TOGARAM1: variants seen among roughly 807,000 people sequenced by gnomAD.
TOGARAM1 encodes the protein TOG array regulator of axonemal microtubules 1, also known as TOG array regulator of axonemal microtubules protein 1.
In TOGARAM1, 100 loss-of-function variants were observed where a neutral mutation model predicts 166.6. The ratio of observed to expected loss-of-function variants is 0.60; its 90% CI spans 0.51 to 0.71. The LOEUF is 0.71. TOGARAM1 is among the 30% of genes least tolerant of loss of function. TOGARAM1 has a pLI of 0.00. For synonymous variants in TOGARAM1, 758 were observed against 763.8 expected, an observed-to-expected ratio of 0.99 and a Z score of 0.13; for missense variants, 2,029 against 2,102.7, an observed-to-expected ratio of 0.96 and a Z score of 0.69.
At chr14:45,059,762 ATTTG>A (rs1230137191) in intron 16 of TOGARAM1, among the ~76,000 whole-genome samples, 2 of 152,210 alleles carry the variant, frequency 1.3e-5, no homozygotes, top group Non-Finnish European at 2.9e-5. Flanking sequence ...TATTTTCTGT[ATTTG>A]TTTATCTTTG....
intron 14 of TOGARAM1, among the ~76,000 whole-genome samples, chr14:45,051,323 G>T (rs567379337): frequency 1.8e-4 from 28 of 152,160 alleles, no homozygotes; most frequent in Non-Finnish European, 3.2e-4. Flanking sequence ...GACCTAGGGA[G>T]GGTTGACTCA....
intron 1 of TOGARAM1, chr14:44,995,432 C>CT: frequency 2.2e-6 from 1 of 462,416 alleles, no homozygotes; most frequent in South Asian, 1.5e-5. Context: ...AGGGGTTACG[C>CT]TGCTCCGTCA....
At chr14:45,024,020 C>A (rs1354700414) in intron 7 of TOGARAM1, among the ~76,000 whole-genome samples, 1 of 152,312 alleles carries the variant, frequency 6.6e-6, no homozygotes, top group South Asian at 2.1e-4. Flanking sequence ...GGATTACAGG[C>A]GTGAGCCACC....
intron 10 of TOGARAM1, among the ~76,000 whole-genome samples, chr14:45,030,911 A>G (rs1468501669): frequency 2.6e-5 from 4 of 152,212 alleles, no homozygotes; most frequent in South Asian, 4.1e-4. Context: ...CTGCAAAATA[A>G]AGATAGTTAG....
intron 7 of TOGARAM1, among the ~76,000 whole-genome samples, chr14:45,020,522 C>T (rs1439853399): frequency 6.6e-6 from 1 of 152,148 alleles, no homozygotes; most frequent in Non-Finnish European, 1.5e-5. Flanking sequence ...CATTCCTGCT[C>T]GGATAACAAA....
At position 44,962,463 on chromosome 14, in the gene TOGARAM1, T is replaced by G. The variant is rs762044241; in HGVS notation, c.42T>G (p.Phe14Leu). The G allele has an allele frequency of 6.3e-7, 1 of 1,596,950 alleles. No homozygotes were observed. The highest frequency in any genetic ancestry group is 1.1e-5 in the South Asian group (1 of 89,388). Residue 14 changes from phenylalanine to leucine, a missense_variant, in exon 1 of 20, where the codon TTT (phenylalanine) becomes TTG (leucine). Physicochemically the swap from Phe to Leu is conservative, Grantham distance 22 (BLOSUM62 0). This residue lies in a region of TOGARAM1 where 1,453 missense variants were observed against 1,432.2 expected (regional missense o/e 1.01). Coordinates refer to ENST00000361462, the MANE Select transcript of TOGARAM1 (RefSeq NM_001308120.2). Reference sequence around the variant, plus strand: ...CCGCGCTGCTTCTGCTGCCGCCCTTTCCAGTCCTCTCTACCTATCGGCTCC... The same window carrying G: ...CCGCGCTGCTTCTGCTGCCGCCCTTGCCAGTCCTCTCTACCTATCGGCTCC... ...APSALLLLPP[F>L]PVLSTYRLQS...
chr14:45,067,448 A>G (rs1276908628), intron 17 of TOGARAM1, among the ~76,000 whole-genome samples: 1 of 152,182 alleles, frequency 6.6e-6, no homozygotes, highest in Non-Finnish European at 1.5e-5. Flanking sequence ...CTTTAGGAAG[A>G]CAATAAGCAA....
In TOGARAM1 at chr14:44,964,304, A is replaced by G. The variant is rs556536411; in HGVS notation, c.1883A>G (p.Asp628Gly). 1 of 1,614,152 alleles carries G rather than the reference A, an allele frequency of 6.2e-7. No homozygotes were observed. Among genetic ancestry groups the G allele is most frequent in the Non-Finnish European group, 8.5e-7 (1 of 1,180,020 alleles). Residue 628 changes from aspartate (D) to glycine (G), a missense_variant, in exon 1 of 20, where the codon GAC becomes GGC. Asp to Gly is a moderately conservative substitution (Grantham distance 94, BLOSUM62 -1). Around this residue, in one of 2 missense-constraint regions of TOGARAM1, gnomAD observed 1,453 missense variants for 1,432.2 expected, o/e 1.01. Transcript: ENST00000361462. ...RTQSAHCHCG[D>G]HVRDSMHIYG... ...CAGAGTGCACACTGTCACTGTGGTGACCACGTGAGGGATAGCATGCACATT... is the reference window on the plus strand; with the variant it reads ...CAGAGTGCACACTGTCACTGTGGTGGCCACGTGAGGGATAGCATGCACATT...
chr14:45,006,242 A>G lies in TOGARAM1; in HGVS notation c.2879A>G (p.Lys960Arg). 1 of 1,611,886 alleles carries G rather than the reference A, an allele frequency of 6.2e-7. No individual in the cohort carries two copies. The highest frequency in any genetic ancestry group is 8.5e-7 in the Non-Finnish European group (1 of 1,178,588). The change falls in exon 5 of 20, where the codon AAG (lysine) becomes AGG (arginine). Residue 960 changes from lysine to arginine, a missense_variant. By Grantham distance (26) the Lys-to-Arg change is conservative. Coordinates refer to ENST00000361462, the MANE Select transcript of TOGARAM1 (RefSeq NM_001308120.2). ...ATTGATCTTTCAGAATTAAATTTCA[A>G]GGATAAAGATTTGGATCAAGAAGAG... ...LPIDLSELNFKDKDLDQEEMH... is the reference protein window; with the variant it reads ...LPIDLSELNFRDKDLDQEEMH...
intron 3 of TOGARAM1, among the ~76,000 whole-genome samples, chr14:45,003,402 TAAAG>T (rs1249647659): frequency 1.3e-5 from 2 of 151,948 alleles, no homozygotes; most frequent in Admixed American, 6.6e-5. Context: ...GAAGAAGTAA[TAAAG>T]AAAAAAATAA....
chr14:45,027,524 A>G, intron 9 of TOGARAM1, 50 bp downstream of exon 9: 1 of 1,446,064 alleles, frequency 6.9e-7, no homozygotes, highest in Non-Finnish European at 9.5e-7. Flanking sequence ...ACAGTATGTC[A>G]TTGTTTTGTG....
chr14:44,985,800 A>C (rs1238883385), intron 1 of TOGARAM1, among the ~76,000 whole-genome samples: 3 of 152,210 alleles, frequency 2.0e-5, no homozygotes, highest in Non-Finnish European at 4.4e-5. Context: ...ATGATGTATA[A>C]ATATAAGACA....
rs371446063 is a variant in TOGARAM1, at chr14:45,026,274, T to C, written c.3328+402T>C. On this transcript the variant is annotated intron_variant, in intron 8 of 19. Transcript: ENST00000361462. The stretch of plus-strand genomic sequence containing the variant: ...AAGTGAAAATTAAACTCCTGTTATA[T>C]ATTTTAAGGGGGCTAAGGGACCTTG... 1.3e-4 allele frequency among the ~76,000 whole-genome samples: 20 copies of C among 152,316 alleles called. No individual in the cohort carries two copies. In the East Asian group the frequency reaches 3.7e-3, roughly 28 times the overall value.
chr14:45,069,791 A>T (rs150659972), intron 18 of TOGARAM1, among the ~76,000 whole-genome samples: 25 of 152,218 alleles, frequency 1.6e-4, no homozygotes, highest in African/African-American at 5.8e-4. Flanking sequence ...TGGTACAGCC[A>T]CTCTAGGTTT....
Position 45,044,697 on chromosome 14 carries a change from T to A in TOGARAM1, c.3981T>A (p.Thr1327=). ...AAVVCLSDLF[T]YLKKSMDQEL... ...TGGTCTGTTTAAGTGATCTTTTCAC[T>A]TATTTGAAAAAGAGCATGGATCAAG... Residue 1327 remains threonine, a synonymous_variant, in exon 13 of 20, where the codon ACT becomes ACA. Transcript: ENST00000361462. The A allele has an allele frequency of 6.2e-7, 1 of 1,614,118 alleles. No individual in the cohort carries two copies. The highest frequency in any genetic ancestry group is 1.6e-4 in the Middle Eastern group (1 of 6,062).
chr14:45,023,092 A>G (rs1428230087), intron 7 of TOGARAM1: 1 of 152,168 alleles, frequency 6.6e-6, no homozygotes, highest in Non-Finnish European at 1.5e-5. Context: ...TGAAGGAATT[A>G]CTTTCAAGTA....
At chr14:44,993,847 T>C (rs896229035) in intron 1 of TOGARAM1, among the ~76,000 whole-genome samples, 7 of 152,204 alleles carry the variant, frequency 4.6e-5, no homozygotes, top group African/African-American at 1.7e-4. Context: ...CTGGCCTATA[T>C]ACTAATATCT....
chr14:45,049,009 A>G (rs561808283), intron 14 of TOGARAM1, among the ~76,000 whole-genome samples: 15 of 133,146 alleles, frequency 1.1e-4, no homozygotes, highest in Admixed American at 8.6e-4. Context: ...CAGTAGGTGG[A>G]CAGCAAATGG....
At position 44,963,987 on chromosome 14, in the gene TOGARAM1, C is replaced by G; in HGVS notation, c.1566C>G (p.Ser522Arg). Residue 522 changes from serine to arginine, a missense_variant, in exon 1 of 20, where the codon AGC (serine) becomes AGG (arginine). Coordinates refer to ENST00000361462, the MANE Select transcript of TOGARAM1 (RefSeq NM_001308120.2). ...SFDLAPALVD[S>R]KRRVRQAALE... ...ATCTTGCCCCAGCTCTTGTAGATAGCAAACGCAGGGTACGCCAAGCAGCTT... is the reference window on the plus strand; with the variant it reads ...ATCTTGCCCCAGCTCTTGTAGATAGGAAACGCAGGGTACGCCAAGCAGCTT... The G allele has an allele frequency of 6.2e-7, 1 of 1,614,206 alleles. No homozygotes were observed. Among genetic ancestry groups the G allele is most frequent in the African/African-American group, 1.3e-5 (1 of 75,054 alleles).
Sources: allele counts gnomAD v4.1 joint callset (sites outside exome capture counted in the v4.1 genomes callset), GRCh38; gene constraint gnomAD v4.1.1; regional missense constraint gnomAD v4.1.1; transcripts MANE v1.5; gene names NCBI Gene and HGNC (gene_info 2026-07-23, HGNC 2026-07-21).